THSD7A: variants seen among roughly 807,000 people sequenced by gnomAD.
THSD7A encodes the protein thrombospondin type 1 domain containing 7A, also known as thrombospondin type-1 domain-containing protein 7A.
In THSD7A, 96 loss-of-function variants were observed where a neutral mutation model predicts 231.3. The ratio of observed to expected loss-of-function variants is 0.41; its 90% confidence interval spans 0.35 to 0.49. THSD7A has a LOEUF of 0.49. Among genes scored for constraint, THSD7A ranks in the 20% least tolerant of loss-of-function variants. THSD7A has a pLI of 0.05. For missense variants in THSD7A, 2,290 were observed against 2,070.2 expected (o/e 1.11, Z -2.06); for synonymous variants, 940 against 743.3 (o/e 1.26, Z -4.30).
intron 1 of THSD7A, among the ~76,000 whole-genome samples, chr7:11,784,641 G>T (rs1246283216): frequency 6.6e-6 from 1 of 151,802 alleles, no homozygotes; most frequent in East Asian, 1.9e-4. Context: ...TTCTTGAGTA[G>T]TATGTTTTCT....
At chr7:11,450,024 C>T (rs1785094593) in intron 11 of THSD7A, among the ~76,000 whole-genome samples, 2 of 151,982 alleles carry the variant, frequency 1.3e-5, no homozygotes, top group African/African-American at 2.4e-5. Context: ...ACTACTTTTA[C>T]CTACTCATTC....
intron 1 of THSD7A, among the ~76,000 whole-genome samples, chr7:11,701,586 T>C (rs1780602270): frequency 6.6e-6 from 1 of 151,150 alleles, no homozygotes; most frequent in African/African-American, 2.4e-5. Context: ...GTTTTTTTTC[T>C]AGCTTAGTGC....
intron 2 of THSD7A, among the ~76,000 whole-genome samples, chr7:11,603,000 T>C (rs997337884): frequency 6.6e-6 from 1 of 150,822 alleles, no homozygotes; most frequent in Admixed American, 6.6e-5. Flanking sequence ...CCAAAAGCAA[T>C]GGCAACAAAA....
intron 1 of THSD7A, among the ~76,000 whole-genome samples, chr7:11,776,582 G>C (rs1158824123): frequency 6.6e-6 from 1 of 152,016 alleles, no homozygotes; most frequent in Non-Finnish European, 1.5e-5. Flanking sequence ...GTTTGTCTTT[G>C]GGGATTCTTC....
At chr7:11,779,588 T>C (rs1178496514) in intron 1 of THSD7A, among the ~76,000 whole-genome samples, 3 of 152,206 alleles carry the variant, frequency 2.0e-5, no homozygotes, top group Non-Finnish European at 4.4e-5. Context: ...CTCCAGTTAA[T>C]ATTTCTAACT....
Position 11,697,178 on chromosome 7 carries a change from T to C in THSD7A, c.191-60217A>G, listed in dbSNP as rs751459591. Among the ~76,000 whole-genome samples, 18 of 151,450 alleles carry C rather than the reference T, an allele frequency of 1.2e-4. 1 individual carries two copies. The highest frequency in any genetic ancestry group is 1.6e-4 in the Non-Finnish European group (11 of 67,632). On this transcript the variant is annotated intron_variant, in intron 1 of 27. Transcript: ENST00000423059. ...TAATATATAACTTAATGTTTTCCCA[T>C]GTTTAAATTTAATTGATTATTTGCC... is the stretch of plus-strand genomic sequence containing the variant.
intron 1 of THSD7A, among the ~76,000 whole-genome samples, chr7:11,828,141 C>G (rs771710763): frequency 1.2e-4 from 18 of 152,184 alleles, no homozygotes; most frequent in Non-Finnish European, 2.4e-4. Context: ...CTCTTCTGCT[C>G]AAAGTTTACA....
At chr7:11,606,333 C>CA (rs1279467003) in intron 2 of THSD7A, among the ~76,000 whole-genome samples, 1 of 151,966 alleles carries the variant, frequency 6.6e-6, no homozygotes, top group Non-Finnish European at 1.5e-5. Flanking sequence ...AACAAGCAAC[C>CA]AAAAATGTGA....
At chr7:11,748,045 C>T (rs1353285182) in intron 1 of THSD7A, among the ~76,000 whole-genome samples, 1 of 151,846 alleles carries the variant, frequency 6.6e-6, no homozygotes, top group Non-Finnish European at 1.5e-5. Context: ...AACCTAAAGA[C>T]TAAGGAATTC....
intron 24 of THSD7A, among the ~76,000 whole-genome samples, chr7:11,382,020 A>T (rs1782536124): frequency 6.6e-6 from 1 of 152,106 alleles, no homozygotes; most frequent in Non-Finnish European, 1.5e-5. Flanking sequence ...CTGGGTTTGA[A>T]ATTTACCAGT....
chr7:11,471,931 C>G (rs559674764), intron 8 of THSD7A, among the ~76,000 whole-genome samples: 1 of 152,174 alleles, frequency 6.6e-6, no homozygotes, highest in South Asian at 2.1e-4. Context: ...AATGAGAGAG[C>G]ATTACTCAGT....
intron 9 of THSD7A, among the ~76,000 whole-genome samples, chr7:11,465,352 C>T (rs1459298235): frequency 6.6e-6 from 1 of 151,916 alleles, no homozygotes; most frequent in African/African-American, 2.4e-5. Context: ...AAAATAAGGG[C>T]ACCTGCCTGT....
intron 2 of THSD7A, among the ~76,000 whole-genome samples, chr7:11,602,499 G>A (rs1780586450): frequency 6.6e-6 from 1 of 152,014 alleles, no homozygotes; most frequent in African/African-American, 2.4e-5. Context: ...AGGTTACTAT[G>A]GTGAATTTCA....
intron 1 of THSD7A, among the ~76,000 whole-genome samples, chr7:11,768,232 T>G (rs1338484603): frequency 1.3e-5 from 2 of 152,156 alleles, no homozygotes; most frequent in African/African-American, 4.8e-5. Flanking sequence ...CAAAAGACCT[T>G]GGGCCATTAT....
intron 1 of THSD7A, among the ~76,000 whole-genome samples, chr7:11,732,387 C>T (rs969334625): frequency 9.2e-5 from 14 of 151,754 alleles, no homozygotes; most frequent in African/African-American, 2.4e-4. Flanking sequence ...GGCATACTGC[C>T]GGACGCATAG....
At chr7:11,762,547 T>C (rs1782900426) in intron 1 of THSD7A, among the ~76,000 whole-genome samples, 1 of 152,196 alleles carries the variant, frequency 6.6e-6, no homozygotes, top group Non-Finnish European at 1.5e-5. Context: ...GAAATGTCTG[T>C]TCGTGTCCTT....
intron 6 of THSD7A, among the ~76,000 whole-genome samples, chr7:11,517,809 C>A (rs1788095735): frequency 6.6e-6 from 1 of 152,162 alleles, no homozygotes; most frequent in Non-Finnish European, 1.5e-5. Context: ...TTGCATTCTT[C>A]CCATCTAGAA....
At chr7:11,731,313 C>T (rs1224060783) in intron 1 of THSD7A, among the ~76,000 whole-genome samples, 1 of 151,350 alleles carries the variant, frequency 6.6e-6, no homozygotes, top group African/African-American at 2.4e-5. Flanking sequence ...AGGTAACTCC[C>T]CTGATTATTG....
In THSD7A at chr7:11,636,892, G is replaced by A. The variant is rs777185276; in HGVS notation, c.260C>T (p.Ala87Val). The A allele has an allele frequency of 3.1e-6, 5 of 1,613,616 alleles. No individual in the cohort carries two copies. Among genetic ancestry groups the A allele is most frequent in the South Asian group, 1.1e-5 (1 of 91,088 alleles). The change falls in exon 2 of 28, where the codon GCT (alanine) becomes GTT (valine). Residue 87 changes from alanine (A) to valine (V), a missense_variant. Physicochemically the swap from Ala to Val is moderately conservative, Grantham distance 64. Coordinates refer to ENST00000423059, the MANE Select transcript of THSD7A (RefSeq NM_015204.3). The surrounding 1 kb of genome is among the most constrained non-coding windows in gnomAD (Gnocchi z 10.0). ...CAGTGTAGTCCATCCCTCCACATGA[G>A]CACACCACACAGCCCTCGTTTGGAT... Reference protein sequence around the residue: ...GGIQTRAVWCAHVEGWTTLHT... With the variant: ...GGIQTRAVWCVHVEGWTTLHT...
Sources: allele counts gnomAD v4.1 joint callset (sites outside exome capture counted in the v4.1 genomes callset), GRCh38; gene constraint gnomAD v4.1.1; non-coding constraint Gnocchi (gnomAD v3.1); transcripts MANE v1.5; gene names NCBI Gene and HGNC (gene_info 2026-07-23, HGNC 2026-07-21).